SYNE2: variants seen among roughly 807,000 people sequenced by gnomAD.
SYNE2 encodes the protein spectrin repeat containing nuclear envelope protein 2.
In SYNE2, 431 loss-of-function variants were observed where a neutral mutation model predicts 856.3. The ratio of observed to expected loss-of-function variants is 0.50; its 90% CI spans 0.47 to 0.55. The LOEUF is 0.55. SYNE2 is among the 20% of genes least tolerant of loss of function. The probability of loss-of-function intolerance (pLI) is 0.00; values close to 1 mark genes in which losing one functional copy is unlikely to be tolerated. For missense variants in SYNE2, 8,129 were observed against 8,023.2 expected (o/e 1.01, Z -0.50); for synonymous variants, 2,923 against 2,872.3 (o/e 1.02, Z -0.56).
intron 11 of SYNE2, 105 bp downstream of exon 11, chr14:63,967,951 T>C (rs2096417608): frequency 1.8e-6 from 2 of 1,133,102 alleles, no homozygotes; most frequent in Non-Finnish European, 2.6e-6. Flanking sequence ...TCACTTGAGG[T>C]CAGGAGTTTG....
chr14:64,085,541 A>G (rs2097554882), intron 57 of SYNE2, among the ~76,000 whole-genome samples: 1 of 152,228 alleles, frequency 6.6e-6, no homozygotes, highest in African/African-American at 2.4e-5. Context: ...TAAATACCTA[A>G]AAGTAGGATC....
At chr14:63,863,222 G>A (rs765796847) in intron 1 of SYNE2, among the ~76,000 whole-genome samples, 6 of 152,028 alleles carry the variant, frequency 3.9e-5, no homozygotes, top group Non-Finnish European at 5.9e-5. Flanking sequence ...TTAAAAATCC[G>A]TTCGTCTTAG....
rs1238529857 is a variant in SYNE2 at position 63,990,530 on chromosome 14, G to A, written c.2433G>A (p.Gly811=). The A allele has an allele frequency of 6.2e-7, 1 of 1,613,892 alleles. No homozygotes were observed. The highest frequency in any genetic ancestry group is 8.5e-7 in the Non-Finnish European group (1 of 1,179,934). Residue 811 remains glycine (G), a synonymous_variant, in exon 20 of 116, where the codon GGG becomes GGA. Transcript: ENST00000555002. ...QESFQHVLTT[G]LQAKIQEAKE... The stretch of plus-strand genomic sequence containing the variant: ...CCTTTCAACATGTTCTCACAACTGG[G>A]CTTCAGGCAAAGATTCAAGAAGCTA...
intron 59 of SYNE2, among the ~76,000 whole-genome samples, chr14:64,090,083 C>T (rs2097596663): frequency 6.6e-6 from 1 of 152,102 alleles, no homozygotes. Flanking sequence ...GTAAATAGAG[C>T]CCCTGACAGA....
At chr14:63,890,884 A>G (rs1360327825) in intron 1 of SYNE2, among the ~76,000 whole-genome samples, 1 of 152,088 alleles carries the variant, frequency 6.6e-6, no homozygotes, top group Non-Finnish European at 1.5e-5. Context: ...ATTGCTGTTC[A>G]TGCTCCTCTC....
chr14:63,954,026 G>A (rs747683674), intron 7 of SYNE2, among the ~76,000 whole-genome samples: 8 of 152,072 alleles, frequency 5.3e-5, no homozygotes, highest in Non-Finnish European at 1.0e-4. Context: ...TGATCCTCCC[G>A]CCTCAGCCTC....
chr14:64,221,812 G>C, intron 112 of SYNE2, 108 bp downstream of exon 112: 1 of 1,350,274 alleles, frequency 7.4e-7, no homozygotes, highest in Non-Finnish European at 1.1e-6. Context: ...TGCCAGTGGT[G>C]TTTGCCTGTA....
intron 1 of SYNE2, among the ~76,000 whole-genome samples, chr14:63,819,236 T>C (rs1566587957): frequency 6.6e-6 from 1 of 151,356 alleles, no homozygotes. Context: ...TTTCTTTTCT[T>C]TTCTTTTTTT....
intron 112 of SYNE2, among the ~76,000 whole-genome samples, chr14:64,222,018 G>A (rs1252507712): frequency 6.6e-6 from 1 of 152,210 alleles, no homozygotes; most frequent in Middle Eastern, 3.2e-3. Context: ...GCTCATTGGG[G>A]AGAAATATGG....
chr14:64,007,754 T>C (rs1382107755), intron 31 of SYNE2, among the ~76,000 whole-genome samples: 1 of 152,136 alleles, frequency 6.6e-6, no homozygotes, highest in African/African-American at 2.4e-5. Context: ...CTCATGCCTG[T>C]AATCCCAGCA....
chr14:64,002,845 C>G lies in SYNE2; in HGVS notation c.3912C>G (p.Tyr1304Ter). The G allele has an allele frequency of 6.2e-7, 1 of 1,614,054 alleles. No individual in the cohort carries two copies. The highest frequency in any genetic ancestry group is 8.5e-7 in the Non-Finnish European group (1 of 1,180,010). The part of the protein sequence containing the change: ...LHAMQNIILK[Y>*]KTQFEGMNHR... ...CAATGCAGAATATTATACTGAAATA[C>G]AAAACACAATTTGAAGGAATGAACC... The change falls in exon 30 of 116, where the codon TAC (tyrosine) becomes TAG (stop). Residue 1304 changes from tyrosine (Y) to a stop codon, truncating the protein, a stop_gained. Coordinates refer to ENST00000555002, the MANE Select transcript of SYNE2 (RefSeq NM_182914.3). LOFTEE classifies it high-confidence loss of function.
rs775682046 is a variant in SYNE2, at chr14:64,218,409, A to G, written c.19554A>G (p.Leu6518=). The change falls in exon 109 of 116, where the codon CTA becomes CTG. Residue 6518 remains leucine, a synonymous_variant. Coordinates refer to ENST00000555002, the MANE Select transcript of SYNE2 (RefSeq NM_182914.3). ...CTGGCTCATTCTAGGGAAAGCTACT[A>G]TTACCTCCAGGCACGGATGGTGGCA... ...TPYKPPYGKL[L]LPPGTDGGKE... 1.1e-5 allele frequency: 17 copies of G among 1,613,996 alleles called. No homozygotes were observed. Among genetic ancestry groups the G allele is most frequent in the East Asian group, 4.5e-5 (2 of 44,876 alleles).
chr14:63,999,097 C>T (rs1257108917), intron 27 of SYNE2, 57 bp downstream of exon 27: 6 of 1,538,274 alleles, frequency 3.9e-6, no homozygotes, highest in East Asian at 4.6e-5. Context: ...AATAGTACCA[C>T]TGTGAGTCTG....
Position 64,186,430 on chromosome 14 carries a change from G to A in SYNE2, c.17563G>A (p.Glu5855Lys), listed in dbSNP as rs766742164. Residue 5855 changes from glutamate (E) to lysine (K), a missense_variant, in exon 97 of 116, where the codon GAA becomes AAA. By Grantham distance (56) the Glu-to-Lys change is moderately conservative. Around this residue, in one of 3 missense-constraint regions of SYNE2, gnomAD observed 5,410 missense variants for 5,284.8 expected, o/e 1.02. Coordinates refer to ENST00000555002, the MANE Select transcript of SYNE2 (RefSeq NM_182914.3). The part of the protein sequence containing the change: ...HNEKELIKEL[E>K]QSLASWTQNL... ...TTCTTGTGATTAAATGCAGGAACTAGAACAGTCTTTGGCTAGCTGGACTCA... is the reference window on the plus strand; with the variant it reads ...TTCTTGTGATTAAATGCAGGAACTAAAACAGTCTTTGGCTAGCTGGACTCA... 5.0e-6 allele frequency: 8 copies of A among 1,614,072 alleles called. No individual in the cohort carries two copies. In the East Asian group the frequency reaches 1.6e-4, roughly 31 times the overall value.
intron 1 of SYNE2, among the ~76,000 whole-genome samples, chr14:63,863,700 G>C (rs1312267854): frequency 6.6e-6 from 1 of 152,074 alleles, no homozygotes; most frequent in African/African-American, 2.4e-5. Context: ...ATGCATATTA[G>C]AGCTTTTAGT....
intron 1 of SYNE2, among the ~76,000 whole-genome samples, chr14:63,878,177 A>C (rs1298419057): frequency 6.6e-6 from 1 of 151,926 alleles, no homozygotes; most frequent in Non-Finnish European, 1.5e-5. Flanking sequence ...TTGAGCCATC[A>C]CACCCAGCCT....
chr14:64,052,995 G>C lies in SYNE2; in HGVS notation c.9082G>C (p.Glu3028Gln), dbSNP rs1352152774. The change falls in exon 48 of 116, where the codon GAA becomes CAA. Residue 3028 changes from glutamate to glutamine, a missense_variant. Physicochemically the swap from Glu to Gln is conservative, Grantham distance 29. Around this residue, in one of 3 missense-constraint regions of SYNE2, gnomAD observed 5,410 missense variants for 5,284.8 expected, o/e 1.02. Coordinates refer to ENST00000555002, the MANE Select transcript of SYNE2 (RefSeq NM_182914.3). The part of the protein sequence containing the change: ...DQLQTQVFEK[E>Q]KELEEKIKQL... ...ATTACAAACCCAAGTATTTGAAAAAGAAAAGGAACTTGAAGAAAAAATTAA... is the reference window on the plus strand; with the variant it reads ...ATTACAAACCCAAGTATTTGAAAAACAAAAGGAACTTGAAGAAAAAATTAA... The C allele has an allele frequency of 1.2e-6, 2 of 1,611,426 alleles. No homozygotes were observed. The highest frequency in any genetic ancestry group is 1.7e-6 in the Non-Finnish European group (2 of 1,179,510).
chr14:63,977,026 G>C (rs1380175431), intron 12 of SYNE2, among the ~76,000 whole-genome samples: 1 of 151,498 alleles, frequency 6.6e-6, no homozygotes, highest in Admixed American at 6.6e-5. Context: ...AGAAGGGGGA[G>C]CCTGATTTAA....
At position 64,167,302 on chromosome 14, in the gene SYNE2, C is replaced by G; in HGVS notation, c.16675C>G (p.Pro5559Ala). 6.2e-7 allele frequency: 1 copy of G among 1,614,206 alleles called. No individual in the cohort carries two copies. Among genetic ancestry groups the G allele is most frequent in the Non-Finnish European group, 8.5e-7 (1 of 1,180,038 alleles). ...EHLNEVSLKLPLSDVAVKTLQ... is the reference protein window; with the variant it reads ...EHLNEVSLKLALSDVAVKTLQ... ...TTTGAATGAAGTGAGCCTCAAGCTC[C>G]CACTTAGTGACGTAGCTGTGAAGAC... The change falls in exon 91 of 116, where the codon CCA becomes GCA. Residue 5559 changes from proline (P) to alanine (A), a missense_variant. By Grantham distance (27) the Pro-to-Ala change is conservative (BLOSUM62 -1). Around this residue, in one of 3 missense-constraint regions of SYNE2, gnomAD observed 5,410 missense variants for 5,284.8 expected, o/e 1.02. Coordinates refer to ENST00000555002, the MANE Select transcript of SYNE2 (RefSeq NM_182914.3).
Sources: allele counts gnomAD v4.1 joint callset (sites outside exome capture counted in the v4.1 genomes callset), GRCh38; gene constraint gnomAD v4.1.1; regional missense constraint gnomAD v4.1.1; transcripts MANE v1.5; gene names NCBI Gene and HGNC (gene_info 2026-07-23, HGNC 2026-07-21).